Variants in LRRN2 observed in about 807,000 individuals in gnomAD.
LRRN2 encodes the protein leucine-rich repeat neuronal protein 2.
LRRN2 carries 10 observed loss-of-function variants against 35.7 expected under a neutral mutation model. That is an observed-to-expected ratio of 0.28 (90% confidence interval 0.17 to 0.47). LRRN2 has a LOEUF of 0.47. Ranked by LOEUF, LRRN2 falls within the 20% of genes least tolerant of loss-of-function variation. The pLI, the probability that LRRN2 is intolerant of heterozygous loss-of-function variation, is 0.99. For synonymous variants in LRRN2, 391 were observed against 409.6 expected, an observed-to-expected ratio of 0.95 and a Z score of 0.55; for missense variants, 731 against 940.3, an observed-to-expected ratio of 0.78 and a Z score of 2.91.
intron 1 of LRRN2, among the ~76,000 whole-genome samples, chr1:204,670,741 G>T (rs1256315417): frequency 6.8e-6 from 1 of 147,212 alleles, no homozygotes; most frequent in African/African-American, 2.5e-5. Flanking sequence ...AAAAAAAAAT[G>T]AGTGGAAAAT....
chr1:204,667,287 G>C (rs1188405265), intron 1 of LRRN2, among the ~76,000 whole-genome samples: 1 of 152,208 alleles, frequency 6.6e-6, no homozygotes, highest in Non-Finnish European at 1.5e-5. Flanking sequence ...AATTAGGCAA[G>C]ATGTTGGCAC....
chr1:204,672,562 C>T (rs1024778411), intron 1 of LRRN2, among the ~76,000 whole-genome samples: 5 of 152,208 alleles, frequency 3.3e-5, no homozygotes, highest in African/African-American at 1.2e-4. Context: ...TCTGTTTGCA[C>T]ATCTCTGTCG....
intron 1 of LRRN2, among the ~76,000 whole-genome samples, chr1:204,671,403 T>TGTGTGTGTGTGTGTG (rs1553350489): frequency 1.6e-4 from 20 of 122,992 alleles, no homozygotes; most frequent in South Asian, 1.2e-3. Context: ...GTTTGTGTGT[T>TGTGTGTGTGTGTGTG]TGTGTGTGTG....
chr1:204,683,366 T>C (rs1668994418), intron 1 of LRRN2, among the ~76,000 whole-genome samples: 1 of 149,576 alleles, frequency 6.7e-6, no homozygotes, highest in South Asian at 2.1e-4. Context: ...TGGGGAAGAA[T>C]GAGGAGGGTG....
chr1:204,619,874 C>G lies in LRRN2; in HGVS notation c.119G>C (p.Trp40Ser). ...PPQCACQIRP[W>S]YTPRSSYREA... is the part of the protein sequence containing the mutation. ...GCGGTAGGACGAGCGGGGCGTATACCAGGGCCGGATCTGGCAGGCACACTG... is the reference window on the plus strand; with the variant it reads ...GCGGTAGGACGAGCGGGGCGTATACGAGGGCCGGATCTGGCAGGCACACTG... Residue 40 changes from tryptophan to serine, a missense_variant, in exon 2 of 2, where the codon TGG (tryptophan) becomes TCG (serine). Around this residue, in one of 3 missense-constraint regions of LRRN2, gnomAD observed 246 missense variants for 289.5 expected, o/e 0.85. Coordinates refer to ENST00000367177, the MANE Select transcript of LRRN2 (RefSeq NM_201630.2). 2 of 1,613,790 alleles carry G rather than the reference C, an allele frequency of 1.2e-6. No individual in the cohort carries two copies. Among genetic ancestry groups the G allele is most frequent in the Non-Finnish European group, 1.7e-6 (2 of 1,179,908 alleles).
chr1:204,672,612 A>G (rs988141664), intron 1 of LRRN2, among the ~76,000 whole-genome samples: 1 of 152,174 alleles, frequency 6.6e-6, no homozygotes, highest in Non-Finnish European at 1.5e-5. Context: ...TGATAGAAGA[A>G]CAGACAGACT....
chr1:204,683,404 G>A (rs1242134246), intron 1 of LRRN2, among the ~76,000 whole-genome samples: 1 of 152,002 alleles, frequency 6.6e-6, no homozygotes, highest in Non-Finnish European at 1.5e-5. Context: ...GTGTGAGGGG[G>A]AAAAGGGAAG....
Position 204,619,218 on chromosome 1 carries a change from G to T in LRRN2, c.775C>A (p.Gln259Lys). Reference sequence around the variant, plus strand: ...TCTAGGAACTTGAGCCCGGGCACCTGTTCCAGTGCCCGCCTGGGCACCCGG... The same window carrying T: ...TCTAGGAACTTGAGCCCGGGCACCTTTTCCAGTGCCCGCCTGGGCACCCGG... Reference protein sequence around the residue: ...LARVPRRALEQVPGLKFLDLN... With the variant: ...LARVPRRALEKVPGLKFLDLN... The change falls in exon 2 of 2, where the codon CAG becomes AAG. Residue 259 changes from glutamine (Q) to lysine (K), a missense_variant. Gln to Lys is a moderately conservative substitution (Grantham distance 53, BLOSUM62 1). Coordinates refer to ENST00000367177, the MANE Select transcript of LRRN2 (RefSeq NM_201630.2). 6.2e-7 allele frequency: 1 copy of T among 1,614,080 alleles called. No individual in the cohort carries two copies. The highest frequency in any genetic ancestry group is 8.5e-7 in the Non-Finnish European group (1 of 1,180,032).
At chr1:204,651,158 AG>A (rs1455607565) in intron 1 of LRRN2, among the ~76,000 whole-genome samples, 2 of 152,168 alleles carry the variant, frequency 1.3e-5, no homozygotes, top group Non-Finnish European at 2.9e-5. Context: ...AAGGACTGGA[AG>A]GCACCATCTA....
At chr1:204,655,238 T>C (rs1668322606) in intron 1 of LRRN2, among the ~76,000 whole-genome samples, 1 of 152,212 alleles carries the variant, frequency 6.6e-6, no homozygotes, top group African/African-American at 2.4e-5. Context: ...AAAACCTTGA[T>C]GGCATCCCTA....
Position 204,618,254 on chromosome 1 carries a change from T to C in LRRN2, c.1739A>G (p.His580Arg). 3 of 1,612,178 alleles carry C rather than the reference T, an allele frequency of 1.9e-6. No homozygotes were observed. The highest frequency in any genetic ancestry group is 2.5e-6 in the Non-Finnish European group (3 of 1,178,906). Residue 580 changes from histidine to arginine, a missense_variant, in exon 2 of 2, where the codon CAC becomes CGC. His to Arg is a conservative substitution (Grantham distance 29, BLOSUM62 0). Transcript: ENST00000367177. ...TALARLPRGTHSYNITRLLQA... is the reference protein window; with the variant it reads ...TALARLPRGTRSYNITRLLQA... ...AAGGAGGCGGGTAATGTTGTAGCTGTGGGTTCCCCGAGGCAGGCGGGCCAG... is the reference window on the plus strand; with the variant it reads ...AAGGAGGCGGGTAATGTTGTAGCTGCGGGTTCCCCGAGGCAGGCGGGCCAG...
chr1:204,673,157 T>C (rs1008970748), intron 1 of LRRN2, among the ~76,000 whole-genome samples: 4 of 152,186 alleles, frequency 2.6e-5, no homozygotes, highest in African/African-American at 7.2e-5. Flanking sequence ...AAGACCCACT[T>C]GGCCCTGTAC....
intron 1 of LRRN2, among the ~76,000 whole-genome samples, chr1:204,642,599 C>T (rs1480617333): frequency 6.6e-6 from 1 of 152,252 alleles, no homozygotes; most frequent in African/African-American, 2.4e-5. Flanking sequence ...CTCCACCACA[C>T]AGCTGGCTCT....
intron 1 of LRRN2, among the ~76,000 whole-genome samples, chr1:204,648,153 C>G (rs779314573): frequency 6.6e-6 from 1 of 152,098 alleles, no homozygotes; most frequent in Non-Finnish European, 1.5e-5. Context: ...GGAAAGAGCA[C>G]AGGGTTGGAA....
rs183954471 is a variant in LRRN2 at position 204,619,594 on chromosome 1, C to T, written c.399G>A (p.Glu133=). The stretch of plus-strand genomic sequence containing the variant: ...TGGCCAGCCCTGCAAAGCTGTGGTC[C>T]TCCAGCCGGGTCAGCTGGTTCTCCT... The part of the protein sequence containing the change: ...HLEENQLTRL[E]DHSFAGLASL... Residue 133 remains glutamate (E), a synonymous_variant, in exon 2 of 2, where the codon GAG becomes GAA. Transcript: ENST00000367177. 5.0e-6 allele frequency: 8 copies of T among 1,614,182 alleles called. No homozygotes were observed. In the Admixed American group the frequency reaches 5.0e-5, roughly 10 times the overall value.
chr1:204,654,513 C>G (rs980293150), intron 1 of LRRN2, among the ~76,000 whole-genome samples: 2 of 152,188 alleles, frequency 1.3e-5, no homozygotes, highest in Non-Finnish European at 2.9e-5. Context: ...GTACAAAGTT[C>G]TTTCTTTGTA....
At position 204,619,860 on chromosome 1, in the gene LRRN2, A is replaced by G; in HGVS notation, c.133T>C (p.Ser45Pro). The G allele has an allele frequency of 6.2e-7, 1 of 1,613,782 alleles. No homozygotes were observed. Among genetic ancestry groups the G allele is most frequent in the Non-Finnish European group, 8.5e-7 (1 of 1,179,874 alleles). Residue 45 changes from serine (S) to proline (P), a missense_variant, in exon 2 of 2, where the codon TCG (serine) becomes CCG (proline). Transcript: ENST00000367177. ...CQIRPWYTPR[S>P]SYREATTVDC... is the part of the protein sequence containing the mutation. ...ACAGTGGTAGCCTCGCGGTAGGACG[A>G]GCGGGGCGTATACCAGGGCCGGATC... is the stretch of plus-strand genomic sequence containing the variant.
At chr1:204,634,230 G>GA (rs1667777156) in intron 1 of LRRN2, among the ~76,000 whole-genome samples, 1 of 152,226 alleles carries the variant, frequency 6.6e-6, no homozygotes, top group Admixed American at 6.5e-5. Context: ...AGCAGAAAAT[G>GA]AAAAGTGCTC....
chr1:204,644,815 T>C (rs1179012419), intron 1 of LRRN2, among the ~76,000 whole-genome samples: 2 of 152,172 alleles, frequency 1.3e-5, no homozygotes, highest in Non-Finnish European at 1.5e-5. Context: ...ATAAACAACA[T>C]GGTTCCCAGG....
Sources: allele counts gnomAD v4.1 joint callset (sites outside exome capture counted in the v4.1 genomes callset), GRCh38; gene constraint gnomAD v4.1.1; regional missense constraint gnomAD v4.1.1; transcripts MANE v1.5; gene names NCBI Gene and HGNC (gene_info 2026-07-23, HGNC 2026-07-21).